ADAMTS12: variants seen among roughly 807,000 people sequenced by gnomAD.
The protein encoded by ADAMTS12 is A disintegrin and metalloproteinase with thrombospondin motifs 12.
Under a neutral mutation model 167.8 loss-of-function variants are expected in ADAMTS12, and 118 were observed. That is an observed-to-expected ratio of 0.70 (90% CI 0.61 to 0.82). ADAMTS12 has a LOEUF of 0.82. Ranked by LOEUF, ADAMTS12 falls within the 40% of genes least tolerant of loss-of-function variation. The probability of loss-of-function intolerance (pLI) is 0.00; values close to 1 mark genes in which losing one functional copy is unlikely to be tolerated. For synonymous variants in ADAMTS12, 704 were observed against 716.9 expected (o/e 0.98, Z 0.29); for missense variants, 1,916 against 1,998.8 (o/e 0.96, Z 0.79).
intron 3 of ADAMTS12, among the ~76,000 whole-genome samples, chr5:33,697,783 A>C (rs1027753755): frequency 1.3e-5 from 2 of 152,196 alleles, no homozygotes; most frequent in African/African-American, 4.8e-5. Context: ...GGATTAGTTC[A>C]GATTATACGA....
intron 19 of ADAMTS12, among the ~76,000 whole-genome samples, chr5:33,571,787 C>A (rs1746364813): frequency 6.6e-6 from 1 of 150,384 alleles, no homozygotes; most frequent in African/African-American, 2.4e-5. Flanking sequence ...AAAAACCCTT[C>A]AAAAAATTAA....
chr5:33,556,290 C>A (rs978922195), intron 20 of ADAMTS12, among the ~76,000 whole-genome samples: 1 of 152,186 alleles, frequency 6.6e-6, no homozygotes, highest in Non-Finnish European at 1.5e-5. Flanking sequence ...AAGTCAGACC[C>A]CTCTGGGATT....
chr5:33,709,747 AATGC>A (rs1272188024), intron 3 of ADAMTS12, among the ~76,000 whole-genome samples: 1 of 152,106 alleles, frequency 6.6e-6, no homozygotes, highest in Non-Finnish European at 1.5e-5. Flanking sequence ...ATAAGTAGCT[AATGC>A]ATGCTGCGCT....
intron 2 of ADAMTS12, among the ~76,000 whole-genome samples, chr5:33,835,512 G>A (rs1397651068): frequency 6.6e-6 from 1 of 152,214 alleles, no homozygotes; most frequent in Non-Finnish European, 1.5e-5. Context: ...CAAGATCAAA[G>A]TGCCTATAGA....
At chr5:33,844,803 G>A (rs925289695) in intron 2 of ADAMTS12, among the ~76,000 whole-genome samples, 1 of 152,066 alleles carries the variant, frequency 6.6e-6, no homozygotes, top group Non-Finnish European at 1.5e-5. Flanking sequence ...GGCTTGTGGG[G>A]CATCACGGAA....
chr5:33,842,910 G>A (rs1748796938), intron 2 of ADAMTS12, among the ~76,000 whole-genome samples: 1 of 152,202 alleles, frequency 6.6e-6, no homozygotes. Flanking sequence ...GGAATCTGTA[G>A]CTAAGCCAGC....
intron 12 of ADAMTS12, among the ~76,000 whole-genome samples, chr5:33,631,878 C>T (rs1263037644): frequency 1.3e-5 from 2 of 152,060 alleles, no homozygotes; most frequent in Admixed American, 1.3e-4. Context: ...ATTGTGTGAT[C>T]AGCTGAGGAC....
intron 2 of ADAMTS12, among the ~76,000 whole-genome samples, chr5:33,878,940 T>C (rs6859977): frequency 0.49 from 74,563 of 152,026 alleles, 20,644 homozygotes; most frequent in African/African-American, 0.74. Context: ...ATCTCCTGGA[T>C]AGCTAATTAA....
At chr5:33,580,209 T>C (rs1746992219) in intron 18 of ADAMTS12, among the ~76,000 whole-genome samples, 1 of 152,124 alleles carries the variant, frequency 6.6e-6, no homozygotes, top group Non-Finnish European at 1.5e-5. Context: ...TATAAAGAAA[T>C]ACCAGACAGG....
chr5:33,870,336 C>T (rs899654146), intron 2 of ADAMTS12, among the ~76,000 whole-genome samples: 1 of 152,234 alleles, frequency 6.6e-6, no homozygotes, highest in Middle Eastern at 3.4e-3. Flanking sequence ...GATAAATGTC[C>T]ATGAAATCTT....
In ADAMTS12 at chr5:33,649,735, G is replaced by T. The variant is rs1288092874; in HGVS notation, c.1191-38C>A. 4 of 1,608,486 alleles carry T rather than the reference G, an allele frequency of 2.5e-6. No individual in the cohort carries two copies. In the African/African-American group the frequency reaches 5.3e-5, roughly 22 times the overall value. On this transcript the variant is annotated intron_variant, in intron 7 of 23. Transcript: ENST00000504830. ...AACCAAGCACAAGAAGAGCCAGCAG[G>T]CAGGCATTAAACAGGAAGAAAAACC...
intron 5 of ADAMTS12, among the ~76,000 whole-genome samples, chr5:33,667,091 T>A (rs1243320866): frequency 6.6e-6 from 1 of 152,172 alleles, no homozygotes; most frequent in Non-Finnish European, 1.5e-5. Context: ...GGTTTTCAAG[T>A]GGTAAAGCCA....
At chr5:33,625,917 C>T (rs1202214987) in intron 13 of ADAMTS12, among the ~76,000 whole-genome samples, 1 of 152,200 alleles carries the variant, frequency 6.6e-6, no homozygotes, top group Admixed American at 6.5e-5. Context: ...GGAAAAGAAA[C>T]AAACCTCACT....
intron 5 of ADAMTS12, among the ~76,000 whole-genome samples, chr5:33,676,053 TTTTG>T (rs1451940506): frequency 2.0e-5 from 3 of 152,104 alleles, no homozygotes; most frequent in South Asian, 2.1e-4. Context: ...AGATTCCTCT[TTTTG>T]TTTATTTTTT....
chr5:33,764,900 C>T (rs1745478211), intron 2 of ADAMTS12, among the ~76,000 whole-genome samples: 3 of 151,724 alleles, frequency 2.0e-5, no homozygotes, highest in Non-Finnish European at 4.4e-5. Flanking sequence ...TTACCATTCT[C>T]TCAGCATCCA....
intron 3 of ADAMTS12, among the ~76,000 whole-genome samples, chr5:33,749,510 G>C (rs1057038886): frequency 6.6e-6 from 1 of 152,154 alleles, no homozygotes; most frequent in African/African-American, 2.4e-5. Flanking sequence ...AGGTGTAAGA[G>C]AGTGTCTTTT....
At chr5:33,746,003 C>A (rs1445310155) in intron 3 of ADAMTS12, among the ~76,000 whole-genome samples, 1 of 152,060 alleles carries the variant, frequency 6.6e-6, no homozygotes. Flanking sequence ...ATAATAATAA[C>A]ATATATGCAC....
rs573501731 is a variant in ADAMTS12, at chr5:33,873,064, T to C, written c.489+8055A>G. On this transcript the variant is annotated intron_variant, in intron 2 of 23. Coordinates refer to ENST00000504830, the MANE Select transcript of ADAMTS12 (RefSeq NM_030955.4). ...CTCCTTTTTGACACCATATTGAAAG[T>C]TCTAGGTAGTACAATAAAACAAGAA... 7.2e-5 allele frequency among the ~76,000 whole-genome samples: 11 copies of C among 152,094 alleles called. No individual in the cohort carries two copies. In the South Asian group the frequency reaches 2.1e-3, roughly 29 times the overall value.
intron 3 of ADAMTS12, among the ~76,000 whole-genome samples, chr5:33,730,290 GTGTGTGTGTGTGTGTGT>G (rs1459500212): frequency 8.9e-4 from 10 of 11,296 alleles, no homozygotes; most frequent in African/African-American, 2.0e-3. Flanking sequence ...GTCCATTAGG[GTGTGTGTGTGTGTGTGT>G]GTGTGTGTGT....
Sources: allele counts gnomAD v4.1 joint callset (sites outside exome capture counted in the v4.1 genomes callset), GRCh38; gene constraint gnomAD v4.1.1; transcripts MANE v1.5; gene names NCBI Gene and HGNC (gene_info 2026-07-23, HGNC 2026-07-21).